EHMT1: variants seen among roughly 807,000 people sequenced by gnomAD.
EHMT1 encodes the protein euchromatic histone lysine methyltransferase 1, also known as histone-lysine N-methyltransferase EHMT1.
Under a neutral mutation model 147.2 loss-of-function variants are expected in EHMT1, and 15 were observed. The ratio of observed to expected loss-of-function variants is 0.10; its 90% CI spans 0.07 to 0.16. The LOEUF (loss-of-function observed/expected upper bound fraction) is 0.16. EHMT1 is among the 10% of genes least tolerant of loss of function. EHMT1 has a pLI of 1.00. For synonymous variants in EHMT1, 795 were observed against 709.6 expected, an observed-to-expected ratio of 1.12 and a Z score of -1.91; for missense variants, 1,587 against 1,772.4, an observed-to-expected ratio of 0.90 and a Z score of 1.88.
rs1945428241 is a variant in EHMT1 at position 137,717,298 on chromosome 9, G to C, written c.642+116G>C. On this transcript the variant is annotated intron_variant, in intron 3 of 26. Transcript: ENST00000460843. The stretch of plus-strand genomic sequence containing the variant: ...AGTAAGTGTCAGTGGTTATCCGACA[G>C]GGCCTATGAGGAGCTAGGAGAAGGC... 40 of 1,336,588 alleles carry C rather than the reference G, an allele frequency of 3.0e-5. No homozygotes were observed. In the South Asian group the frequency reaches 4.5e-4, roughly 15 times the overall value. The allele number at this position is 1,336,588 out of a possible 1,614,324, so 82.8% of individuals were successfully genotyped here.
chr9:137,724,278 C>T (rs961501876), intron 3 of EHMT1, among the ~76,000 whole-genome samples: 1 of 152,172 alleles, frequency 6.6e-6, no homozygotes, highest in Non-Finnish European at 1.5e-5. Flanking sequence ...ACCGCCCCAC[C>T]CCCGCCCTGC....
rs1945397704 is a variant in EHMT1, at chr9:137,717,083, G to A, written c.543G>A (p.Glu181=). ...CCGCCCCACCAGCCACCCTTGGGGA[G>A]GGGAGTGCTGACACAGAGGACAGGA... ...TPAAPPATLG[E]GSADTEDRKL... is the part of the protein sequence containing the mutation. Residue 181 remains glutamate (E), a synonymous_variant, in exon 3 of 27, where the codon GAG becomes GAA. Transcript: ENST00000460843. 6.2e-7 allele frequency: 1 copy of A among 1,611,300 alleles called. No homozygotes were observed. Among genetic ancestry groups the A allele is most frequent in the South Asian group, 1.1e-5 (1 of 91,060 alleles).
chr9:137,790,391 G>A (rs901040620), intron 15 of EHMT1, among the ~76,000 whole-genome samples: 1 of 152,136 alleles, frequency 6.6e-6, no homozygotes, highest in Non-Finnish European at 1.5e-5. Context: ...AAACTGTTCC[G>A]GAATGCATGC....
chr9:137,779,749 A>C, intron 14 of EHMT1, 32 bp downstream of exon 14: 2 of 1,610,490 alleles, frequency 1.2e-6, no homozygotes, highest in South Asian at 1.1e-5. Context: ...GGGCACATGC[A>C]GCCGGCCCTG....
chr9:137,787,839 G>A lies in EHMT1; in HGVS notation c.2383-3009G>A. ...GGCCACCCCCCAGTAGGCAGAGCTG[G>A]TTGACGGTGGACATTGGGGATAGGA... On this transcript the variant is annotated intron_variant, in intron 15 of 26. Transcript: ENST00000460843. This position sits in a 1 kb window ranked among gnomAD's most constrained non-coding sequence, Gnocchi z 4.2. The A allele has an allele frequency of 2.0e-6, 2 of 1,022,894 alleles. No individual in the cohort carries two copies. Among genetic ancestry groups the A allele is most frequent in the South Asian group, 2.5e-5 (2 of 79,326 alleles). The allele number at this position is 1,022,894 out of a possible 1,614,324, so 63.4% of individuals were successfully genotyped here. A position where few individuals can be genotyped will look rare whatever the true frequency, so the allele number is the denominator to read the frequency against.
intron 22 of EHMT1, among the ~76,000 whole-genome samples, chr9:137,815,123 T>A (rs1285203912): frequency 6.6e-6 from 1 of 151,818 alleles, no homozygotes; most frequent in African/African-American, 2.4e-5. Context: ...CAGCATGGCC[T>A]GGGTAAAGAG....
intron 1 of EHMT1, among the ~76,000 whole-genome samples, chr9:137,630,102 C>T (rs1246394147): frequency 1.3e-5 from 2 of 152,224 alleles, no homozygotes; most frequent in African/African-American, 4.8e-5. Flanking sequence ...GCTGCTGTTT[C>T]ATTCTGGAAA....
Position 137,684,414 on chromosome 9 carries a change from G to T in EHMT1, c.22-26553G>T, listed in dbSNP as rs1235282052. 2.0e-5 allele frequency among the ~76,000 whole-genome samples: 3 copies of T among 152,178 alleles called. No homozygotes were observed. In the East Asian group the frequency reaches 5.8e-4, roughly 29 times the overall value. On this transcript the variant is annotated intron_variant, in intron 1 of 26. Coordinates refer to ENST00000460843, the MANE Select transcript of EHMT1 (RefSeq NM_024757.5). ...ATGAGATGTTTTTCTTGAGCCGTTT[G>T]AAAGTTGCCTAGATGCCCCTTCATT...
chr9:137,757,979 G>A lies in EHMT1; in HGVS notation c.1469G>A (p.Arg490Gln), dbSNP rs756231112. Reference protein sequence around the residue: ...MEVSLDSLDLRVKGILSSQAE... With the variant: ...MEVSLDSLDLQVKGILSSQAE... ...GTTTCTCTGGACTCCCTGGATCTCC[G>A]AGTCAAAGGAATTCTGTCTTCACAA... Residue 490 changes from arginine (R) to glutamine (Q), a missense_variant, in exon 9 of 27, where the codon CGA (arginine) becomes CAA (glutamine). Coordinates refer to ENST00000460843, the MANE Select transcript of EHMT1 (RefSeq NM_024757.5). 40 of 1,614,108 alleles carry A rather than the reference G, an allele frequency of 2.5e-5. 1 individual carries two copies. The highest frequency in any genetic ancestry group is 2.8e-5 in the Non-Finnish European group (33 of 1,180,022).
chr9:137,713,263 A>ATTTTTTTT (rs59459382), intron 2 of EHMT1, among the ~76,000 whole-genome samples: 4 of 102,356 alleles, frequency 3.9e-5, no homozygotes, highest in Non-Finnish European at 6.1e-5. Context: ...CACCATGCTA[A>ATTTTTTTT]TTTTTTTTTT....
chr9:137,662,813 T>C (rs1405596335), intron 1 of EHMT1, among the ~76,000 whole-genome samples: 2 of 136,352 alleles, frequency 1.5e-5, no homozygotes, highest in Non-Finnish European at 3.1e-5. Context: ...TATTTATTTT[T>C]GACAGAGTCT....
intron 1 of EHMT1, chr9:137,646,586 C>G: frequency 7.9e-6 from 1 of 126,774 alleles, no homozygotes; most frequent in Non-Finnish European, 1.4e-5. Context: ...CTGGGGTGGT[C>G]TGGGGGAGGC....
chr9:137,717,163 C>A lies in EHMT1; in HGVS notation c.623C>A (p.Pro208Gln). The A allele has an allele frequency of 6.2e-7, 1 of 1,612,298 alleles. No individual in the cohort carries two copies. Residue 208 changes from proline to glutamine, a missense_variant, in exon 3 of 27, where the codon CCG (proline) becomes CAG (glutamine). Physicochemically the swap from Pro to Gln is moderately conservative, Grantham distance 76 (BLOSUM62 -1). Coordinates refer to ENST00000460843, the MANE Select transcript of EHMT1 (RefSeq NM_024757.5). ...GTCCACAGGGCACGCAAGACCATGC[C>A]GAAGTCCGTCGTGGGCCTGGTAATT... ...VKVHRARKTM[P>Q]KSVVGLHAAS...
chr9:137,641,143 C>T, intron 1 of EHMT1: 2 of 370,790 alleles, frequency 5.4e-6, no homozygotes, highest in Non-Finnish European at 1.0e-5. Flanking sequence ...CTTTGCTGAC[C>T]TCTCCTAACT....
intron 18 of EHMT1, among the ~76,000 whole-genome samples, chr9:137,808,845 C>A (rs1169817952): frequency 1.3e-5 from 2 of 152,176 alleles, no homozygotes; most frequent in South Asian, 4.1e-4. Flanking sequence ...ATCGCTTGAA[C>A]CCCAGAGGCA....
chr9:137,754,036 A>C, intron 7 of EHMT1, 135 bp from the exon 8 acceptor site: 1 of 1,460,936 alleles, frequency 6.8e-7, no homozygotes, highest in East Asian at 2.3e-5. Flanking sequence ...AAATGTCTAC[A>C]AGTTAAGTTC....
At chr9:137,722,267 A>G (rs1010629179) in intron 3 of EHMT1, among the ~76,000 whole-genome samples, 1 of 152,206 alleles carries the variant, frequency 6.6e-6, no homozygotes, top group African/African-American at 2.4e-5. Flanking sequence ...AGCAATTTGA[A>G]ATTTTTAGAA....
At chr9:137,822,158 T>G (rs1955468711) in intron 25 of EHMT1, among the ~76,000 whole-genome samples, 1 of 152,220 alleles carries the variant, frequency 6.6e-6, no homozygotes, top group South Asian at 2.1e-4. Flanking sequence ...ATAAACGGAA[T>G]CCTGTGTCCG....
intron 22 of EHMT1, chr9:137,815,206 A>G (rs1403993844): frequency 6.1e-6 from 1 of 164,740 alleles, no homozygotes; most frequent in African/African-American, 2.4e-5. Flanking sequence ...TGGAGGGTCA[A>G]GTGTTTACCC....
Sources: allele counts gnomAD v4.1 joint callset (sites outside exome capture counted in the v4.1 genomes callset), GRCh38; gene constraint gnomAD v4.1.1; non-coding constraint Gnocchi (gnomAD v3.1); transcripts MANE v1.5; gene names NCBI Gene and HGNC (gene_info 2026-07-23, HGNC 2026-07-21).